The following XKR4 variants were observed in gnomAD, a reference collection of about 807,000 sequenced individuals.
XKR4 encodes XK-related protein 4.
XKR4 carries 12 observed loss-of-function variants against 53.9 expected under a neutral mutation model. The observed-to-expected ratio is 0.22, with a 90% CI of 0.14 to 0.36. The LOEUF (loss-of-function observed/expected upper bound fraction) is 0.36. Among genes scored for constraint, XKR4 ranks in the 10% least tolerant of loss-of-function variants. The pLI, the probability that XKR4 is intolerant of heterozygous loss-of-function variation, is 1.00. For synonymous variants in XKR4, 354 were observed against 362.4 expected, an observed-to-expected ratio of 0.98 and a Z score of 0.26; for missense variants, 799 against 859.5, an observed-to-expected ratio of 0.93 and a Z score of 0.88.
At chr8:55,338,246 C>T (rs1287617280) in intron 1 of XKR4, among the ~76,000 whole-genome samples, 3 of 152,182 alleles carry the variant, frequency 2.0e-5, no homozygotes, top group Admixed American at 6.5e-5. Flanking sequence ...CCTAGATCCC[C>T]CTCCCACACA....
chr8:55,282,658 C>G (rs890310027), intron 1 of XKR4, among the ~76,000 whole-genome samples: 1 of 152,174 alleles, frequency 6.6e-6, no homozygotes, highest in Non-Finnish European at 1.5e-5. Flanking sequence ...GACCCAGCCA[C>G]CTCCCACTTG....
At chr8:55,207,864 C>CAGCACGT (rs1817672703) in intron 1 of XKR4, among the ~76,000 whole-genome samples, 1 of 152,148 alleles carries the variant, frequency 6.6e-6, no homozygotes, top group Admixed American at 6.5e-5. Context: ...ACCTCACCTC[C>CAGCACGT]AGCACGTTCC....
At position 55,135,462 on chromosome 8, in the gene XKR4, C is replaced by T. The variant is rs1202363674; in HGVS notation, c.806+32168C>T. The T allele has an allele frequency of 1.1e-5, 4 of 355,014 alleles. No individual in the cohort carries two copies. The East Asian group carries it at 2.3e-4, about 20-fold the overall frequency. The allele number at this position is 355,014 out of a possible 1,614,324, so 22.0% of individuals were successfully genotyped here. On this transcript the variant is annotated intron_variant, in intron 1 of 2. Coordinates refer to ENST00000327381, the MANE Select transcript of XKR4 (RefSeq NM_052898.2). ...ACAGAAAGAATGAAATCTAAGGGTC[C>T]CCCCAAATCATATCTGAATCGGTGG...
At chr8:55,460,337 G>A (rs548450206) in intron 2 of XKR4, among the ~76,000 whole-genome samples, 5 of 152,210 alleles carry the variant, frequency 3.3e-5, no homozygotes, top group East Asian at 1.9e-4. Context: ...TTCTCAAATC[G>A]GATTATGACA....
At chr8:55,192,285 G>T (rs1817453343) in intron 1 of XKR4, among the ~76,000 whole-genome samples, 2 of 149,484 alleles carry the variant, frequency 1.3e-5, no homozygotes, top group Non-Finnish European at 3.0e-5. Flanking sequence ...ATTATAGTCA[G>T]AAGTGACTTG....
intron 1 of XKR4, among the ~76,000 whole-genome samples, chr8:55,106,500 C>T (rs145967455): frequency 2.7e-4 from 41 of 152,150 alleles, no homozygotes; most frequent in Admixed American, 5.9e-4. Context: ...TGAATGAATG[C>T]GAAAGTACTT....
At chr8:55,422,679 G>A (rs1563346181) in intron 2 of XKR4, among the ~76,000 whole-genome samples, 2 of 152,168 alleles carry the variant, frequency 1.3e-5, no homozygotes, top group Non-Finnish European at 2.9e-5. Context: ...TATTATTAAC[G>A]CCTCAGACTT....
intron 1 of XKR4, among the ~76,000 whole-genome samples, chr8:55,295,296 G>GA (rs894704601): frequency 5.9e-5 from 9 of 152,144 alleles, no homozygotes; most frequent in African/African-American, 1.9e-4. Context: ...AGAAGGCACA[G>GA]AAAAAGGGGA....
At chr8:55,168,240 C>T (rs1358788412) in intron 1 of XKR4, among the ~76,000 whole-genome samples, 1 of 152,062 alleles carries the variant, frequency 6.6e-6, no homozygotes, top group Non-Finnish European at 1.5e-5. Context: ...CAAGTGGGAC[C>T]CTGAGTAGAA....
chr8:55,326,468 C>CTTTT (rs10666278), intron 1 of XKR4, among the ~76,000 whole-genome samples: 17 of 111,774 alleles, frequency 1.5e-4, no homozygotes, highest in East Asian at 2.7e-4. Context: ...ATTTTTTTTC[C>CTTTT]TTTTTTTTTT....
At chr8:55,440,406 A>T (rs2622595) in intron 2 of XKR4, among the ~76,000 whole-genome samples, 49,066 of 152,024 alleles carry the variant, frequency 0.32, 8,046 homozygotes, top group African/African-American at 0.37. Flanking sequence ...TTTAAAATAG[A>T]TATAAATTCC....
intron 1 of XKR4, among the ~76,000 whole-genome samples, chr8:55,112,118 T>TA (rs1816240360): frequency 6.6e-6 from 1 of 152,234 alleles, no homozygotes; most frequent in Non-Finnish European, 1.5e-5. Flanking sequence ...TTAAAATTTT[T>TA]AAAAACCTTA....
intron 1 of XKR4, among the ~76,000 whole-genome samples, chr8:55,286,546 G>T (rs1291992654): frequency 6.6e-6 from 1 of 152,172 alleles, no homozygotes; most frequent in African/African-American, 2.4e-5. Context: ...AGCCCACAGT[G>T]AGGCAGCAGT....
At chr8:55,136,276 C>T (rs1816628708) in intron 1 of XKR4, among the ~76,000 whole-genome samples, 1 of 151,418 alleles carries the variant, frequency 6.6e-6, no homozygotes, top group Admixed American at 6.6e-5. Context: ...TTGGATGTGC[C>T]TGGGGTGAGC....
intron 1 of XKR4, among the ~76,000 whole-genome samples, chr8:55,146,130 G>A (rs1251117868): frequency 3.3e-5 from 5 of 152,158 alleles, no homozygotes. Flanking sequence ...TACCTTTTAT[G>A]TTTCATAATT....
At chr8:55,175,844 T>C (rs906376122) in intron 1 of XKR4, among the ~76,000 whole-genome samples, 1 of 150,938 alleles carries the variant, frequency 6.6e-6, no homozygotes, top group Admixed American at 6.6e-5. Context: ...GTATCCACTA[T>C]GTGAGTGGTG....
chr8:55,158,286 C>G (rs1816936977), intron 1 of XKR4, among the ~76,000 whole-genome samples: 1 of 152,086 alleles, frequency 6.6e-6, no homozygotes, highest in Non-Finnish European at 1.5e-5. Context: ...ATGTTTGTTG[C>G]TAGTGTGTAT....
At chr8:55,408,047 G>A (rs1804713396) in intron 2 of XKR4, among the ~76,000 whole-genome samples, 2 of 152,176 alleles carry the variant, frequency 1.3e-5, no homozygotes, top group Non-Finnish European at 2.9e-5. Context: ...GTGAAGACAG[G>A]TGGAGCGACA....
intron 2 of XKR4, chr8:55,453,912 C>T (rs2939637): frequency 0.42 from 255,431 of 608,324 alleles, 56,126 homozygotes; most frequent in East Asian, 0.48. Flanking sequence ...AGAGCAAAGG[C>T]CATGCCCTCC....
Sources: gnomAD v4.1 joint callset for allele counts (sites outside exome capture counted in the v4.1 genomes callset) on GRCh38, gnomAD v4.1.1 for gene constraint, MANE v1.5 for transcripts, NCBI Gene and HGNC (gene_info 2026-07-23, HGNC 2026-07-21) for gene names.